GPC5: variants seen among roughly 807,000 people sequenced by gnomAD.
The protein encoded by GPC5 is glypican-5.
GPC5 carries 47 observed loss-of-function variants against 53.9 expected under a neutral mutation model. That is an observed-to-expected ratio of 0.87 (90% confidence interval 0.69 to 1.11). The LOEUF (loss-of-function observed/expected upper bound fraction) is 1.11. Ranked by LOEUF, GPC5 falls within the 50% of genes most tolerant of loss-of-function variation. The probability of loss-of-function intolerance (pLI) is 0.00; values close to 1 mark genes in which losing one functional copy is unlikely to be tolerated. For missense variants in GPC5, 748 were observed against 713.1 expected (o/e 1.05, Z -0.56); for synonymous variants, 286 against 263.3 (o/e 1.09, Z -0.84).
intron 7 of GPC5, among the ~76,000 whole-genome samples, chr13:92,213,055 A>C (rs1041896530): frequency 3.9e-5 from 6 of 152,218 alleles, no homozygotes; most frequent in Admixed American, 6.5e-5. Flanking sequence ...CAGTTGATAC[A>C]AACTGCAATT....
At chr13:92,780,606 G>C (rs184207658) in intron 7 of GPC5, among the ~76,000 whole-genome samples, 1 of 152,052 alleles carries the variant, frequency 6.6e-6, no homozygotes, top group Non-Finnish European at 1.5e-5. Flanking sequence ...ATAATCGTGA[G>C]TCCAGACTTC....
chr13:92,474,334 A>G (rs1879019727), intron 7 of GPC5, among the ~76,000 whole-genome samples: 1 of 151,950 alleles, frequency 6.6e-6, no homozygotes, highest in African/African-American at 2.4e-5. Flanking sequence ...GAGATGTGTA[A>G]CCTCTATGTA....
intron 7 of GPC5, among the ~76,000 whole-genome samples, chr13:92,796,039 T>G (rs891463427): frequency 1.3e-5 from 2 of 151,972 alleles, no homozygotes; most frequent in Non-Finnish European, 2.9e-5. Flanking sequence ...TATAAATCAT[T>G]CTACTATAAA....
intron 6 of GPC5, among the ~76,000 whole-genome samples, chr13:92,058,934 C>A (rs2041098901): frequency 6.6e-6 from 1 of 152,162 alleles, no homozygotes; most frequent in African/African-American, 2.4e-5. Context: ...TGACTCTGAG[C>A]CTTTGCAATT....
chr13:91,462,595 A>G (rs1195842679), intron 2 of GPC5, among the ~76,000 whole-genome samples: 2 of 152,126 alleles, frequency 1.3e-5, no homozygotes, highest in Admixed American at 6.6e-5. Context: ...TATCTGTAAG[A>G]CATTGTAGAG....
At chr13:91,402,221 T>C (rs1218263426) in intron 1 of GPC5, among the ~76,000 whole-genome samples, 3 of 152,224 alleles carry the variant, frequency 2.0e-5, no homozygotes, top group Non-Finnish European at 4.4e-5. Context: ...TTTGTTGATA[T>C]AGAAATCTAT....
At chr13:92,705,129 C>CT (rs1260441322) in intron 7 of GPC5, among the ~76,000 whole-genome samples, 1 of 151,860 alleles carries the variant, frequency 6.6e-6, no homozygotes, top group Non-Finnish European at 1.5e-5. Context: ...TGACATATCT[C>CT]TAGTGGTCAT....
At chr13:92,305,152 A>G (rs2043102620) in intron 7 of GPC5, among the ~76,000 whole-genome samples, 1 of 152,206 alleles carries the variant, frequency 6.6e-6, no homozygotes, top group Non-Finnish European at 1.5e-5. Context: ...GTCATCAGAA[A>G]CAGTCATCAA....
chr13:92,149,969 A>G (rs974346125), intron 7 of GPC5, among the ~76,000 whole-genome samples: 2 of 152,074 alleles, frequency 1.3e-5, no homozygotes, highest in Non-Finnish European at 2.9e-5. Context: ...ATGTTTATTG[A>G]TTATGCATAT....
chr13:91,627,967 C>CT (rs2139405669), intron 2 of GPC5, among the ~76,000 whole-genome samples: 1 of 152,220 alleles, frequency 6.6e-6, no homozygotes, highest in Admixed American at 6.5e-5. Flanking sequence ...TCCCAACACT[C>CT]TTGAACATTA....
chr13:92,518,678 CA>C (rs1730380051), intron 7 of GPC5, among the ~76,000 whole-genome samples: 1 of 152,162 alleles, frequency 6.6e-6, no homozygotes, highest in African/African-American at 2.4e-5. Context: ...AAAAACATGA[CA>C]AATTGTAAAG....
intron 7 of GPC5, among the ~76,000 whole-genome samples, chr13:92,261,532 G>T (rs1334893881): frequency 6.6e-6 from 1 of 152,042 alleles, no homozygotes; most frequent in Admixed American, 6.6e-5. Flanking sequence ...TGTAGAGTGT[G>T]CATTACTCAT....
chr13:92,695,340 A>G (rs1887527528), intron 7 of GPC5, among the ~76,000 whole-genome samples: 1 of 152,170 alleles, frequency 6.6e-6, no homozygotes, highest in Non-Finnish European at 1.5e-5. Flanking sequence ...TAGTTTGCAG[A>G]TATTCATTTT....
chr13:92,486,714 C>CA (rs1879568171), intron 7 of GPC5, among the ~76,000 whole-genome samples: 1 of 151,798 alleles, frequency 6.6e-6, no homozygotes, highest in Non-Finnish European at 1.5e-5. Context: ...CTCTACTGTC[C>CA]AAAAAAATAG....
intron 5 of GPC5, among the ~76,000 whole-genome samples, chr13:91,766,768 G>A (rs2037533397): frequency 6.6e-6 from 1 of 152,154 alleles, no homozygotes; most frequent in Non-Finnish European, 1.5e-5. Context: ...GCTGAGGCAG[G>A]AAAATTGCTT....
chr13:91,874,276 TA>T (rs1026409476), intron 5 of GPC5, among the ~76,000 whole-genome samples: 10 of 152,276 alleles, frequency 6.6e-5, no homozygotes, highest in Admixed American at 2.6e-4. Flanking sequence ...AAATTGCTAT[TA>T]TTTTTTTCAA....
chr13:91,840,696 A>C (rs1348584651), intron 5 of GPC5, among the ~76,000 whole-genome samples: 2 of 151,580 alleles, frequency 1.3e-5, no homozygotes. Context: ...ACTTTACTTA[A>C]TTTTTAAAAT....
intron 7 of GPC5, among the ~76,000 whole-genome samples, chr13:92,151,161 C>G: frequency 6.6e-6 from 1 of 151,958 alleles, no homozygotes. Flanking sequence ...TAGTCATTTT[C>G]TTATTATTGA....
chr13:91,628,991 T>C (rs1349745444), intron 2 of GPC5, among the ~76,000 whole-genome samples: 1 of 152,164 alleles, frequency 6.6e-6, no homozygotes, highest in East Asian at 1.9e-4. Flanking sequence ...AAAGTGGAGA[T>C]AATGACATAT....
Sources: allele counts gnomAD v4.1 joint callset (sites outside exome capture counted in the v4.1 genomes callset), GRCh38; gene constraint gnomAD v4.1.1; transcripts MANE v1.5; gene names NCBI Gene and HGNC (gene_info 2026-07-23, HGNC 2026-07-21).